BMP5: variants seen among roughly 807,000 people sequenced by gnomAD.
The protein encoded by BMP5 is bone morphogenetic protein 5.
Under a neutral mutation model 46.6 loss-of-function variants are expected in BMP5, and 23 were observed. The ratio of observed to expected loss-of-function variants is 0.49; its 90% CI spans 0.35 to 0.70. The LOEUF (loss-of-function observed/expected upper bound fraction) is 0.70, where lower values mean the gene tolerates loss of function less well. BMP5 is among the 30% of genes least tolerant of loss of function. BMP5 has a pLI of 0.00. For missense variants in BMP5, 545 were observed against 565.6 expected, an observed-to-expected ratio of 0.96 and a Z score of 0.37; for synonymous variants, 204 against 191.9, an observed-to-expected ratio of 1.06 and a Z score of -0.52.
Position 55,811,389 on chromosome 6 carries a change from A to T in BMP5, c.683+8266T>A, listed in dbSNP as rs949347102. Among the ~76,000 whole-genome samples the T allele has an allele frequency of 2.6e-5, 4 of 152,178 alleles. No individual in the cohort carries two copies. In the South Asian group the frequency reaches 8.3e-4, roughly 31 times the overall value. ...TAGGAAAAGGTTGATTCTACATAGC[A>T]CATTTTCTTTAGGGAATACATAAAT... On this transcript the variant is annotated intron_variant, in intron 2 of 6. Coordinates refer to ENST00000370830, the MANE Select transcript of BMP5 (RefSeq NM_021073.4).
At position 55,874,447 on chromosome 6, in the gene BMP5, G is replaced by A. The variant is rs1158605220; in HGVS notation, c.419C>T (p.Pro140Leu). 6.2e-7 allele frequency: 1 copy of A among 1,613,210 alleles called. No individual in the cohort carries two copies. The highest frequency in any genetic ancestry group is 8.5e-7 in the Non-Finnish European group (1 of 1,179,590). The change falls in exon 1 of 7, where the codon CCT becomes CTT. Residue 140 changes from proline to leucine, a missense_variant. By Grantham distance (98) the Pro-to-Leu change is moderately conservative. Coordinates refer to ENST00000370830, the MANE Select transcript of BMP5 (RefSeq NM_021073.4). Reference protein sequence around the residue: ...SRTTPLTTQSPPLASLHDTNF... With the variant: ...SRTTPLTTQSLPLASLHDTNF... ...GGTATCATGGAGGCTGGCTAGAGGAGGACTCTGGGTGGTCAGAGGAGTCGT... is the reference window on the plus strand; with the variant it reads ...GGTATCATGGAGGCTGGCTAGAGGAAGACTCTGGGTGGTCAGAGGAGTCGT...
intron 3 of BMP5, among the ~76,000 whole-genome samples, chr6:55,793,689 G>A (rs1775628938): frequency 6.6e-6 from 1 of 152,168 alleles, no homozygotes; most frequent in South Asian, 2.1e-4. Flanking sequence ...TTCTGGAGCA[G>A]TAGTCTTTGA....
At chr6:55,773,084 G>C (rs977398844) in intron 4 of BMP5, among the ~76,000 whole-genome samples, 3 of 151,684 alleles carry the variant, frequency 2.0e-5, no homozygotes, top group Admixed American at 6.6e-5. Flanking sequence ...ATTTCAATTT[G>C]GTAAAATAAT....
chr6:55,819,287 A>G (rs1161310700), intron 2 of BMP5, among the ~76,000 whole-genome samples: 2 of 152,208 alleles, frequency 1.3e-5, no homozygotes, highest in Admixed American at 6.5e-5. Context: ...GTGCTTCTCT[A>G]ACTTCCAGAA....
In BMP5 at chr6:55,760,496, C is replaced by T. The variant is rs1774745418; in HGVS notation, c.1065G>A (p.Lys355=). Residue 355 remains lysine (K), a synonymous_variant, in exon 5 of 7, where the codon AAG becomes AAA. Coordinates refer to ENST00000370830, the MANE Select transcript of BMP5 (RefSeq NM_021073.4). ...NTSEQKQACK[K]HELYVSFRDL... ...CCCGGAAGCTCACATAGAGTTCGTG[C>T]TTCTTACAGGCTTGTTTTTGCTCAC... is the stretch of plus-strand genomic sequence containing the variant. 1.2e-6 allele frequency: 2 copies of T among 1,613,066 alleles called. 1 individual carries two copies. Among genetic ancestry groups the T allele is most frequent in the South Asian group, 2.2e-5 (2 of 91,062 alleles).
At chr6:55,818,933 G>A (rs942819033) in intron 2 of BMP5, among the ~76,000 whole-genome samples, 2 of 151,762 alleles carry the variant, frequency 1.3e-5, no homozygotes, top group African/African-American at 4.9e-5. Flanking sequence ...GAGATAGATA[G>A]ATAGATAGAT....
At chr6:55,871,143 C>T in intron 1 of BMP5, among the ~76,000 whole-genome samples, 1 of 151,684 alleles carries the variant, frequency 6.6e-6, no homozygotes. Context: ...AGCAAATTAT[C>T]TAATCATGTC....
At chr6:55,804,813 G>T (rs1304136242) in intron 2 of BMP5, among the ~76,000 whole-genome samples, 1 of 152,158 alleles carries the variant, frequency 6.6e-6, no homozygotes, top group Non-Finnish European at 1.5e-5. Flanking sequence ...GGGGAAATAG[G>T]TGCAAACAGT....
At chr6:55,773,530 G>T (rs934337790) in intron 4 of BMP5, among the ~76,000 whole-genome samples, 2 of 75,816 alleles carry the variant, frequency 2.6e-5, no homozygotes, top group Non-Finnish European at 5.1e-5. Context: ...TGTGTGTGTA[G>T]ACACACCTGA....
At chr6:55,779,902 T>G (rs1399308511) in intron 3 of BMP5, among the ~76,000 whole-genome samples, 1 of 151,944 alleles carries the variant, frequency 6.6e-6, no homozygotes, top group African/African-American at 2.4e-5. Flanking sequence ...TAAGGAAAAG[T>G]TGGGATTTTA....
At chr6:55,859,179 A>G (rs1049521697) in intron 1 of BMP5, among the ~76,000 whole-genome samples, 1 of 152,354 alleles carries the variant, frequency 6.6e-6, no homozygotes, top group Non-Finnish European at 1.5e-5. Context: ...GTGATTTAGC[A>G]GTGATATTGA....
chr6:55,818,971 C>T (rs6914731), intron 2 of BMP5, among the ~76,000 whole-genome samples: 69,134 of 150,194 alleles, frequency 0.46, 16,803 homozygotes, highest in African/African-American at 0.63. Context: ...GACAGACAGA[C>T]AGATAGATAG....
At chr6:55,828,650 A>C (rs753057532) in intron 1 of BMP5, among the ~76,000 whole-genome samples, 1 of 151,816 alleles carries the variant, frequency 6.6e-6, no homozygotes, top group Non-Finnish European at 1.5e-5. Context: ...TATTTTAGGA[A>C]CATTTTATTT....
At chr6:55,823,384 A>G (rs2127539797) in intron 1 of BMP5, among the ~76,000 whole-genome samples, 1 of 152,184 alleles carries the variant, frequency 6.6e-6, no homozygotes, top group African/African-American at 2.4e-5. Flanking sequence ...AATTGCATGA[A>G]TGGGTCAAAA....
chr6:55,797,916 G>A (rs1775756837), intron 2 of BMP5, among the ~76,000 whole-genome samples: 1 of 152,060 alleles, frequency 6.6e-6, no homozygotes, highest in Non-Finnish European at 1.5e-5. Flanking sequence ...GCGTGTGATT[G>A]TTTTCTAAGG....
intron 3 of BMP5, among the ~76,000 whole-genome samples, chr6:55,778,563 A>G (rs1189305703): frequency 6.6e-6 from 1 of 152,046 alleles, no homozygotes; most frequent in East Asian, 1.9e-4. Context: ...AACAAAAAAC[A>G]AACAAAAATA....
intron 1 of BMP5, among the ~76,000 whole-genome samples, chr6:55,830,810 A>G (rs1041378995): frequency 6.6e-6 from 1 of 152,162 alleles, no homozygotes; most frequent in East Asian, 1.9e-4. Context: ...GATGATATCT[A>G]CTATCTCCAG....
At chr6:55,769,471 C>T (rs1190056930) in intron 4 of BMP5, among the ~76,000 whole-genome samples, 5 of 151,786 alleles carry the variant, frequency 3.3e-5, no homozygotes, top group South Asian at 2.1e-4. Context: ...ATTCAGGTTC[C>T]GCTTGTAATT....
At chr6:55,808,984 T>C (rs368432526) in intron 2 of BMP5, among the ~76,000 whole-genome samples, 3 of 152,154 alleles carry the variant, frequency 2.0e-5, no homozygotes, top group South Asian at 2.1e-4. Flanking sequence ...ACCACAATCA[T>C]AGATGGAGTT....
Sources: allele counts gnomAD v4.1 joint callset (sites outside exome capture counted in the v4.1 genomes callset), GRCh38; gene constraint gnomAD v4.1.1; transcripts MANE v1.5; gene names NCBI Gene and HGNC (gene_info 2026-07-23, HGNC 2026-07-21).